Variants in MAK16 observed in about 807,000 individuals in gnomAD.
MAK16 encodes protein MAK16 homolog.
A neutral mutation model predicts 49.9 loss-of-function variants in MAK16; 12 were observed. That is an observed-to-expected ratio of 0.24 (90% CI 0.15 to 0.39). The LOEUF is 0.39. Among genes scored for constraint, MAK16 ranks in the 10% least tolerant of loss-of-function variants. The pLI is 1.00. For synonymous variants in MAK16, 115 were observed against 126.4 expected, an observed-to-expected ratio of 0.91 and a Z score of 0.60; for missense variants, 292 against 363.7, an observed-to-expected ratio of 0.80 and a Z score of 1.60.
chr8:33,500,749 ACTG>A lies in MAK16; in HGVS notation c.*2121_*2123del. 4.6e-6 allele frequency: 2 copies of A among 432,348 alleles called. No individual in the cohort carries two copies. The highest frequency in any genetic ancestry group is 2.5e-5 in the South Asian group (1 of 40,592). 26.8% of individuals were successfully genotyped at this position (432,348 alleles called of 1,614,324 possible). On this transcript the variant is annotated 3_prime_UTR_variant, in exon 10 of 10. Coordinates refer to ENST00000360128, the MANE Select transcript of MAK16 (RefSeq NM_032509.4). Reference sequence around the variant, plus strand: ...CTCTTCCTTCCAGAAGCTTGGTTCTACTGTAAGCAACAGCTCCTTCATGGGCTG... The same window carrying A: ...CTCTTCCTTCCAGAAGCTTGGTTCTATAAGCAACAGCTCCTTCATGGGCTG...
chr8:33,497,349 AAAAAAC>A (rs761366401), intron 9 of MAK16, 52 bp downstream of exon 9: 5,755 of 1,202,304 alleles, frequency 4.8e-3, no homozygotes, highest in East Asian at 6.3e-3. Context: ...AAAAAAAAAA[AAAAAAC>A]AAAAACAGGG....
intron 6 of MAK16, 43 bp from the exon 7 acceptor site, chr8:33,495,499 G>C (rs767237943): frequency 4.7e-6 from 7 of 1,497,576 alleles, no homozygotes; most frequent in Non-Finnish European, 6.5e-6. Context: ...GATGAGTAAT[G>C]AGCACTGATG....
intron 1 of MAK16, among the ~76,000 whole-genome samples, chr8:33,488,169 C>A (rs1270470696): frequency 6.6e-6 from 1 of 152,128 alleles, no homozygotes; most frequent in Non-Finnish European, 1.5e-5. Context: ...CTCAGGTGAT[C>A]CGCCCAACTC....
Position 33,486,426 on chromosome 8 carries a change from C to T in MAK16, c.15+1205C>T, listed in dbSNP as rs989627114. On this transcript the variant is annotated intron_variant, in intron 1 of 9. Transcript: ENST00000360128. ...AATTAGCTGGGCGCGGTGGTGTTCG[C>T]CTGAGGTCCCAGTTACTTCGAAGGC... Among the ~76,000 whole-genome samples the T allele has an allele frequency of 8.9e-4, 135 of 152,124 alleles. 5 individuals are homozygous for T. The highest frequency in any genetic ancestry group is 5.9e-5 in the Non-Finnish European group (4 of 68,032).
chr8:33,486,065 T>C (rs1313780748), intron 1 of MAK16, among the ~76,000 whole-genome samples: 1 of 151,908 alleles, frequency 6.6e-6, no homozygotes, highest in Non-Finnish European at 1.5e-5. Flanking sequence ...AGAGAATGAA[T>C]ATAAGGGTCA....
In MAK16 at chr8:33,497,218, T is replaced by A. The variant is rs1808878110; in HGVS notation, c.640-14T>A. The A allele has an allele frequency of 6.3e-7, 1 of 1,587,634 alleles. No homozygotes were observed. Among genetic ancestry groups the A allele is most frequent in the Non-Finnish European group, 8.6e-7 (1 of 1,156,638 alleles). On this transcript the variant is annotated splice_polypyrimidine_tract_variant and intron_variant, in intron 8 of 9. Transcript: ENST00000360128. ...TTATGTATTCTGAACCTAACAGTTA[T>A]GTTTTATTTATAGGATGTGGGGAAA...
chr8:33,497,432 G>T, intron 9 of MAK16, 135 bp downstream of exon 9: 1 of 631,658 alleles, frequency 1.6e-6, no homozygotes, highest in South Asian at 2.1e-5. Context: ...TGGGAGGATT[G>T]TTTGAGCTCA....
At chr8:33,486,368 T>C (rs1377275907) in intron 1 of MAK16, among the ~76,000 whole-genome samples, 1 of 151,964 alleles carries the variant, frequency 6.6e-6, no homozygotes, top group African/African-American at 2.4e-5. Context: ...GCCTAGGCAA[T>C]AAAGTGAGAC....
chr8:33,490,031 C>T (rs1473775221), intron 5 of MAK16, among the ~76,000 whole-genome samples: 5 of 152,114 alleles, frequency 3.3e-5, no homozygotes, highest in Non-Finnish European at 7.3e-5. Flanking sequence ...AAATATATGA[C>T]TTTTTATAGT....
Position 33,489,320 on chromosome 8 carries a change from A to G in MAK16, c.392+181A>G, listed in dbSNP as rs559341391. Reference sequence around the variant, plus strand: ...CCTTTGATATGGCAGGACTTTTAAAACAGTAGAATACAACTTGATTATCAC... The same window carrying G: ...CCTTTGATATGGCAGGACTTTTAAAGCAGTAGAATACAACTTGATTATCAC... On this transcript the variant is annotated intron_variant, in intron 5 of 9. Coordinates refer to ENST00000360128, the MANE Select transcript of MAK16 (RefSeq NM_032509.4). The surrounding 1 kb of genome is among the most constrained non-coding windows in gnomAD (Gnocchi z 4.2). 1.8e-6 allele frequency: 1 copy of G among 560,510 alleles called. No homozygotes were observed. Among genetic ancestry groups the G allele is most frequent in the East Asian group, 3.0e-5 (1 of 33,536 alleles). 34.7% of individuals were successfully genotyped at this position (560,510 alleles called of 1,614,324 possible).
chr8:33,493,113 C>T (rs537633599), intron 6 of MAK16, among the ~76,000 whole-genome samples: 1 of 152,134 alleles, frequency 6.6e-6, no homozygotes, highest in South Asian at 2.1e-4. Flanking sequence ...AAGTTGTGCT[C>T]ACCTCAGTAA....
intron 1 of MAK16, chr8:33,485,513 TGTC>T (rs1808673378): frequency 2.2e-6 from 1 of 454,228 alleles, no homozygotes; most frequent in East Asian, 3.6e-5. Flanking sequence ...TGCTGTCAGC[TGTC>T]AGCTGTCAGC....
intron 6 of MAK16, among the ~76,000 whole-genome samples, chr8:33,494,492 T>C (rs1277926816): frequency 6.6e-6 from 1 of 152,186 alleles, no homozygotes; most frequent in Non-Finnish European, 1.5e-5. Flanking sequence ...TAAGCAAACA[T>C]AAACAGTTAA....
At position 33,500,772 on chromosome 8, in the gene MAK16, G is replaced by A. The variant is rs1346493033; in HGVS notation, c.*2143G>A. 5.9e-6 allele frequency: 2 copies of A among 338,510 alleles called. No homozygotes were observed. Among genetic ancestry groups the A allele is most frequent in the East Asian group, 1.3e-4 (2 of 15,186 alleles). The allele number at this position is 338,510 out of a possible 1,614,324, so 21.0% of individuals were successfully genotyped here. On this transcript the variant is annotated 3_prime_UTR_variant, in exon 10 of 10. Coordinates refer to ENST00000360128, the MANE Select transcript of MAK16 (RefSeq NM_032509.4). ...CTACTGTAAGCAACAGCTCCTTCAT[G>A]GGCTGAGAAGGGGAAACCAGGATCT...
intron 6 of MAK16, among the ~76,000 whole-genome samples, chr8:33,490,796 T>C (rs1808765280): frequency 6.6e-6 from 1 of 152,234 alleles, no homozygotes; most frequent in Non-Finnish European, 1.5e-5. Flanking sequence ...AACAGTTCAA[T>C]TATCCTTACA....
At chr8:33,488,311 C>T (rs1808719751) in intron 1 of MAK16, 67 bp from the exon 2 acceptor site, 2 of 1,496,668 alleles carry the variant, frequency 1.3e-6, no homozygotes, top group Non-Finnish European at 1.9e-6. Flanking sequence ...TGGGCATTGC[C>T]TTCTTGAATT....
rs1563346019 is a variant in MAK16, at chr8:33,489,028, T to C, written c.281T>C (p.Ile94Thr). 5 of 1,614,172 alleles carry C rather than the reference T, an allele frequency of 3.1e-6. No homozygotes were observed. The highest frequency in any genetic ancestry group is 4.2e-6 in the Non-Finnish European group (5 of 1,180,026). Residue 94 changes from isoleucine to threonine, a missense_variant, in exon 5 of 10, where the codon ATA (isoleucine) becomes ACA (threonine). Coordinates refer to ENST00000360128, the MANE Select transcript of MAK16 (RefSeq NM_032509.4). The surrounding 1 kb of genome is among the most constrained non-coding windows in gnomAD (Gnocchi z 4.2). ...SKNYEKALEQ[I>T]DENLIYWPRF... ...AACTATGAGAAAGCACTGGAGCAAA[T>C]AGATGAAAATCTGATTTACTGGCCC...
intron 6 of MAK16, 23 bp downstream of exon 6, chr8:33,490,362 A>T (rs1285934728): frequency 6.3e-7 from 1 of 1,599,592 alleles, no homozygotes; most frequent in Non-Finnish European, 8.6e-7. Context: ...TGAGATATTC[A>T]TACCTTCTAC....
Position 33,499,421 on chromosome 8 carries a change from A to G in MAK16, c.*792A>G, listed in dbSNP as rs1808980712. 7.7e-6 allele frequency: 5 copies of G among 647,464 alleles called. No individual in the cohort carries two copies. The highest frequency in any genetic ancestry group is 1.4e-5 in the Non-Finnish European group (5 of 366,040). The allele number at this position is 647,464 out of a possible 1,614,324, so 40.1% of individuals were successfully genotyped here. A position where few individuals can be genotyped will look rare whatever the true frequency, so the allele number is the denominator to read the frequency against. ...GGACAGGTCACTAAGCAGAATAGGT[A>G]TTAGTTGGTTTTTTATTATTTTTAA... On this transcript the variant is annotated 3_prime_UTR_variant, in exon 10 of 10. Coordinates refer to ENST00000360128, the MANE Select transcript of MAK16 (RefSeq NM_032509.4).
Sources: gnomAD v4.1 joint callset for allele counts (sites outside exome capture counted in the v4.1 genomes callset) on GRCh38, gnomAD v4.1.1 for gene constraint, Gnocchi (gnomAD v3.1) non-coding constraint, MANE v1.5 for transcripts, NCBI Gene and HGNC (gene_info 2026-07-23, HGNC 2026-07-21) for gene names.